The following CHRNA4 variants were observed in gnomAD, a reference collection of about 807,000 sequenced individuals.
The protein encoded by CHRNA4 is cholinergic receptor nicotinic alpha 4 subunit.
In CHRNA4, 28 loss-of-function variants were observed where a neutral mutation model predicts 48.9. The ratio of observed to expected loss-of-function variants is 0.57; its 90% CI spans 0.42 to 0.79. CHRNA4 has a LOEUF of 0.79. CHRNA4 is among the 30% of genes least tolerant of loss of function. CHRNA4 has a pLI of 0.00. For synonymous variants in CHRNA4, 425 were observed against 402.3 expected (o/e 1.06, Z -0.68); for missense variants, 859 against 898.4 (o/e 0.96, Z 0.56).
intron 4 of CHRNA4, among the ~76,000 whole-genome samples, chr20:63,352,553 C>T (rs1307023125): frequency 6.6e-6 from 1 of 152,182 alleles, no homozygotes; most frequent in African/African-American, 2.4e-5. Context: ...GGGGGCGGGG[C>T]TTTACCACCA....
intron 1 of CHRNA4, chr20:63,359,973 C>T (rs1389255726): frequency 2.3e-6 from 1 of 432,780 alleles, no homozygotes; most frequent in African/African-American, 2.0e-5. Flanking sequence ...CCGGCTCTCT[C>T]CCACCCCTGG....
At chr20:63,359,504 G>C in intron 2 of CHRNA4, 44 bp downstream of exon 2, 1 of 1,611,256 alleles carries the variant, frequency 6.2e-7, no homozygotes, top group South Asian at 1.1e-5. Flanking sequence ...GCTCCTTGCA[G>C]GGCGACCTCA....
At chr20:63,358,667 G>A (rs1443397352) in intron 2 of CHRNA4, among the ~76,000 whole-genome samples, 1 of 152,162 alleles carries the variant, frequency 6.6e-6, no homozygotes, top group Non-Finnish European at 1.5e-5. Flanking sequence ...AGAGACCATG[G>A]CCTGCCCAAC....
chr20:63,354,919 C>T (rs566884007), intron 4 of CHRNA4, among the ~76,000 whole-genome samples: 122 of 152,252 alleles, frequency 8.0e-4, no homozygotes, highest in African/African-American at 9.4e-4. Context: ...TCTGGAAAAG[C>T]GTCCGGCCCT....
At chr20:63,348,896 G>A (rs1448163894) in intron 5 of CHRNA4, among the ~76,000 whole-genome samples, 1 of 152,208 alleles carries the variant, frequency 6.6e-6, no homozygotes, top group African/African-American at 2.4e-5. Context: ...TCTCCTGCAT[G>A]GAATGGGTAG....
chr20:63,351,228 A>T (rs59145036), intron 4 of CHRNA4: 1 of 378,108 alleles, frequency 2.6e-6, no homozygotes, highest in Non-Finnish European at 4.7e-6. Context: ...CCACGCCCAC[A>T]TCCACACCCA....
At chr20:63,352,649 C>A (rs921887867) in intron 4 of CHRNA4, among the ~76,000 whole-genome samples, 7 of 152,218 alleles carry the variant, frequency 4.6e-5, no homozygotes, top group African/African-American at 1.7e-4. Context: ...CCTTCTGAGG[C>A]ACAAATTAAA....
chr20:63,353,647 A>AGTCCTAGGAGGCTGTG (rs2068654879), intron 4 of CHRNA4, among the ~76,000 whole-genome samples: 1 of 28,298 alleles, frequency 3.5e-5, no homozygotes, highest in Non-Finnish European at 6.5e-5. Context: ...GAGGGGCTGT[A>AGTCCTAGGAGGCTGTG]GTCCTAGGGG....
intron 4 of CHRNA4, chr20:63,354,665 C>A (rs1177632614): frequency 5.1e-6 from 5 of 984,078 alleles, no homozygotes; most frequent in South Asian, 4.7e-5. Context: ...TCAGAGGCTT[C>A]GTTCCTGGGG....
At position 63,361,314 on chromosome 20, in the gene CHRNA4, C is replaced by T. The variant is rs1341268501; in HGVS notation, c.-149G>A. 6 of 1,184,486 alleles carry T rather than the reference C, an allele frequency of 5.1e-6. No individual in the cohort carries two copies. Among genetic ancestry groups the T allele is most frequent in the East Asian group, 4.2e-5 (1 of 23,586 alleles). 73.4% of individuals were successfully genotyped at this position (1,184,486 alleles called of 1,614,324 possible). ...TCGTCTTCTCCTGTGGGGCGCGGTG[C>T]GGCGGCGGCGCGGCAGGGAGCGCCG... is the stretch of plus-strand genomic sequence containing the variant. On this transcript the variant is annotated 5_prime_UTR_variant, in exon 1 of 6. Transcript: ENST00000370263.
At position 63,346,119 on chromosome 20, in the gene CHRNA4, A is replaced by G. The variant is rs780974029; in HGVS notation, c.*619T>C. The G allele has an allele frequency of 8.8e-6, 4 of 453,982 alleles. No homozygotes were observed. The highest frequency in any genetic ancestry group is 1.8e-5 in the Non-Finnish European group (4 of 226,772). 28.1% of individuals were successfully genotyped at this position (453,982 alleles called of 1,614,324 possible). A position where few individuals can be genotyped will look rare whatever the true frequency, so the allele number is the denominator to read the frequency against. ...CTGTTCTCCAAGGCTCCTTAGGCAC[A>G]AGACTTGAGTTCTCACTAACTTACC... On this transcript the variant is annotated 3_prime_UTR_variant, in exon 6 of 6. Transcript: ENST00000370263.
chr20:63,352,960 T>A (rs564453498), intron 4 of CHRNA4, among the ~76,000 whole-genome samples: 10 of 150,400 alleles, frequency 6.6e-5, no homozygotes, highest in African/African-American at 1.7e-4. Context: ...CACCCGGCCG[T>A]GAGCCGGCTC....
intron 4 of CHRNA4, among the ~76,000 whole-genome samples, chr20:63,351,866 G>T (rs955950619): frequency 2.6e-5 from 4 of 152,226 alleles, no homozygotes; most frequent in Admixed American, 2.6e-4. Context: ...CCCAGCCCCA[G>T]CCCCTGGTTC....
Position 63,346,268 on chromosome 20 carries a change from C to A in CHRNA4, c.*470G>T. On this transcript the variant is annotated 3_prime_UTR_variant, in exon 6 of 6. Coordinates refer to ENST00000370263, the MANE Select transcript of CHRNA4 (RefSeq NM_000744.7). ...ACCCTGGGGGAGAAGTTGAAGCCCA[C>A]ACAGGCGCAGGACACGGTGGGTGGG... 1 of 453,230 alleles carries A rather than the reference C, an allele frequency of 2.2e-6. No individual in the cohort carries two copies. The highest frequency in any genetic ancestry group is 4.4e-6 in the Non-Finnish European group (1 of 226,332). The allele number at this position is 453,230 out of a possible 1,614,324, so 28.1% of individuals were successfully genotyped here.
intron 4 of CHRNA4, among the ~76,000 whole-genome samples, chr20:63,353,571 G>A (rs537833172): frequency 8.4e-6 from 1 of 118,872 alleles, no homozygotes; most frequent in Admixed American, 8.0e-5. Flanking sequence ...TGGTCCTGGG[G>A]GGGCTGCGGT....
At position 63,345,017 on chromosome 20, in the gene CHRNA4, G is replaced by A. The variant is rs774858618; in HGVS notation, c.*1721C>T. 7 of 445,966 alleles carry A rather than the reference G, an allele frequency of 1.6e-5. No individual in the cohort carries two copies. Among genetic ancestry groups the A allele is most frequent in the South Asian group, 9.3e-5 (6 of 64,194 alleles). The allele number at this position is 445,966 out of a possible 1,614,324, so 27.6% of individuals were successfully genotyped here. ...CCCCGGTCACAGGCACCCGGGGGTGGGGGTGACCAGCAGCAGTTCAGAGGC... is the reference window on the plus strand; with the variant it reads ...CCCCGGTCACAGGCACCCGGGGGTGAGGGTGACCAGCAGCAGTTCAGAGGC... On this transcript the variant is annotated 3_prime_UTR_variant, in exon 6 of 6. Transcript: ENST00000370263. The surrounding 1 kb of genome is among the most constrained non-coding windows in gnomAD (Gnocchi z 5.4).
intron 4 of CHRNA4, chr20:63,355,733 C>T: frequency 3.8e-6 from 3 of 786,328 alleles, no homozygotes; most frequent in Non-Finnish European, 6.0e-6. Flanking sequence ...AGTGCTGAGA[C>T]CCAGGGATGC....
intron 1 of CHRNA4, chr20:63,359,919 G>GCGC (rs2068789364): frequency 2.2e-5 from 9 of 404,746 alleles, no homozygotes; most frequent in Middle Eastern, 6.0e-4. Context: ...GTGTGTGTGT[G>GCGC]TGTGTGTGTG....
At position 63,345,000 on chromosome 20, in the gene CHRNA4, A is replaced by G. The variant is rs1387611260; in HGVS notation, c.*1738T>C. The G allele has an allele frequency of 2.3e-6, 1 of 439,826 alleles. No individual in the cohort carries two copies. Among genetic ancestry groups the G allele is most frequent in the South Asian group, 1.6e-5 (1 of 63,580 alleles). 27.2% of individuals were successfully genotyped at this position (439,826 alleles called of 1,614,324 possible). A position where few individuals can be genotyped will look rare whatever the true frequency, so the allele number is the denominator to read the frequency against. On this transcript the variant is annotated 3_prime_UTR_variant, in exon 6 of 6. Transcript: ENST00000370263. The surrounding 1 kb of genome is among the most constrained non-coding windows in gnomAD (Gnocchi z 4.5). ...AAGCCCCAGCCTCAGGACCCCGGTCACAGGCACCCGGGGGTGGGGGTGACC... is the reference window on the plus strand; with the variant it reads ...AAGCCCCAGCCTCAGGACCCCGGTCGCAGGCACCCGGGGGTGGGGGTGACC...
Sources: gnomAD v4.1 joint callset for allele counts (sites outside exome capture counted in the v4.1 genomes callset) on GRCh38, gnomAD v4.1.1 for gene constraint, Gnocchi (gnomAD v3.1) non-coding constraint, MANE v1.5 for transcripts, NCBI Gene and HGNC (gene_info 2026-07-23, HGNC 2026-07-21) for gene names.